MED13L: variants seen among roughly 807,000 people sequenced by gnomAD.
The protein encoded by MED13L is mediator of RNA polymerase II transcription subunit 13-like.
MED13L carries 7 observed loss-of-function variants against 220.9 expected under a neutral mutation model. The observed-to-expected ratio is 0.03, with a 90% CI of 0.02 to 0.06. MED13L has a LOEUF of 0.06. Ranked by LOEUF, MED13L falls within the 10% of genes least tolerant of loss-of-function variation. MED13L has a pLI of 1.00. For missense variants in MED13L, 1,965 were observed against 2,760.5 expected (o/e 0.71, Z 6.46); for synonymous variants, 1,011 against 1,015.2 (o/e 1.00, Z 0.08).
chr12:116,097,226 G>A (rs1304013208), intron 3 of MED13L, among the ~76,000 whole-genome samples: 2 of 151,878 alleles, frequency 1.3e-5, no homozygotes, highest in East Asian at 3.9e-4. Flanking sequence ...GCTCACTGCA[G>A]CCGCCACCCC....
At chr12:116,193,701 A>T (rs1297606416) in intron 2 of MED13L, among the ~76,000 whole-genome samples, 2 of 152,154 alleles carry the variant, frequency 1.3e-5, no homozygotes, top group Non-Finnish European at 1.5e-5. Context: ...TAATAATCAG[A>T]GTCCCCAAAA....
chr12:116,036,960 A>G (rs1016389049), intron 4 of MED13L, among the ~76,000 whole-genome samples: 5 of 152,170 alleles, frequency 3.3e-5, no homozygotes, highest in African/African-American at 1.2e-4. Flanking sequence ...ACTATTTCAT[A>G]TATCTTCTCT....
intron 4 of MED13L, among the ~76,000 whole-genome samples, chr12:116,070,464 T>C (rs1210495164): frequency 6.6e-6 from 1 of 152,074 alleles, no homozygotes; most frequent in Admixed American, 6.6e-5. Context: ...TTCTCTCTTT[T>C]ACAGATGAAC....
chr12:116,047,821 A>G (rs369571561), intron 4 of MED13L, among the ~76,000 whole-genome samples: 1 of 152,196 alleles, frequency 6.6e-6, no homozygotes, highest in Admixed American at 6.5e-5. Context: ...ATTTCATCTG[A>G]GGCATTTAGA....
intron 1 of MED13L, among the ~76,000 whole-genome samples, chr12:116,254,108 G>T (rs1458575990): frequency 6.6e-6 from 1 of 151,762 alleles, no homozygotes; most frequent in African/African-American, 2.4e-5. Flanking sequence ...AACCTTACGG[G>T]GATATCAGAA....
chr12:116,136,297 G>GTT (rs1473398120), intron 2 of MED13L, among the ~76,000 whole-genome samples: 2 of 152,130 alleles, frequency 1.3e-5, no homozygotes, highest in Non-Finnish European at 2.9e-5. Flanking sequence ...GCAAATAAGT[G>GTT]TTTCTCAAAT....
At chr12:116,197,266 T>C (rs1488533355) in intron 2 of MED13L, among the ~76,000 whole-genome samples, 1 of 152,342 alleles carries the variant, frequency 6.6e-6, no homozygotes, top group Non-Finnish European at 1.5e-5. Flanking sequence ...AGTCAGCATC[T>C]ATCTGACAGC....
At position 116,092,726 on chromosome 12, in the gene MED13L, C is replaced by T. The variant is rs1045372040; in HGVS notation, c.479+3943G>A. 9.2e-5 allele frequency among the ~76,000 whole-genome samples: 14 copies of T among 151,882 alleles called. 1 individual carries two copies. Among genetic ancestry groups the T allele is most frequent in the Admixed American group, 3.3e-4 (5 of 15,258 alleles). ...AAGTTAAGAGGAGAGAAGACAAAAA[C>T]GATAGTTAAAGTAATATACTTTCAG... On this transcript the variant is annotated intron_variant, in intron 4 of 30. Transcript: ENST00000281928.
intron 4 of MED13L, among the ~76,000 whole-genome samples, chr12:116,051,267 C>T (rs957484579): frequency 2.6e-5 from 4 of 151,696 alleles, no homozygotes; most frequent in African/African-American, 9.7e-5. Flanking sequence ...CCCACCACTG[C>T]ACTCCAGCCT....
chr12:115,996,604 C>T lies in MED13L; in HGVS notation c.2868G>A (p.Leu956=), dbSNP rs570146432. Reference sequence around the variant, plus strand: ...TCAGAGGTAGCAAACAATGGCTCGGCAACATCTTCAGTGGAGCAAACATGG... The same window carrying T: ...TCAGAGGTAGCAAACAATGGCTCGGTAACATCTTCAGTGGAGCAAACATGG... ...GSSMFAPLKM[L]PSHCLLPLKI... Residue 956 remains leucine, a synonymous_variant, in exon 16 of 31, where the codon TTG becomes TTA. Transcript: ENST00000281928. 9.9e-5 allele frequency: 160 copies of T among 1,614,018 alleles called. 3 individuals are homozygous for T. In the South Asian group the frequency reaches 1.7e-3, roughly 17 times the overall value.
intron 27 of MED13L, among the ~76,000 whole-genome samples, chr12:115,969,711 A>G (rs1399544527): frequency 1.3e-5 from 2 of 151,824 alleles, no homozygotes; most frequent in South Asian, 4.2e-4. Flanking sequence ...TTTCATAGAG[A>G]TGGGGTTTCA....
chr12:116,031,752 A>AAGAAGGAAGGAAGGAAGG (rs1555251772), intron 4 of MED13L, among the ~76,000 whole-genome samples: 16 of 31,496 alleles, frequency 5.1e-4, no homozygotes, highest in East Asian at 1.8e-3. Context: ...AAAGAAAAGA[A>AAGAAGGAAGGAAGGAAGG]AAGAAAAGAA....
chr12:116,250,797 A>C (rs1268030708), intron 1 of MED13L, among the ~76,000 whole-genome samples: 2 of 150,838 alleles, frequency 1.3e-5, no homozygotes, highest in African/African-American at 2.4e-5. Context: ...AAAAAAAAAA[A>C]AATTTGTTTT....
chr12:116,031,810 G>A lies in MED13L; in HGVS notation c.480-9209C>T, dbSNP rs1034578710. Among the ~76,000 whole-genome samples the A allele has an allele frequency of 3.2e-3, 344 of 108,776 alleles. 3 individuals are homozygous for A. The highest frequency in any genetic ancestry group is 7.0e-3 in the African/African-American group (214 of 30,570). 71.4% of individuals were successfully genotyped at this position (108,776 alleles called of 152,430 possible). The stretch of plus-strand genomic sequence containing the variant: ...AAGGAAGGAAGGAAGGAAAGAAAGA[G>A]AGAAAGAAAAAAAGAAAGAAAGTGG... On this transcript the variant is annotated intron_variant, in intron 4 of 30. Coordinates refer to ENST00000281928, the MANE Select transcript of MED13L (RefSeq NM_015335.5).
In MED13L at chr12:116,008,557, C is replaced by T. The variant is rs1302229598; in HGVS notation, c.1856G>A (p.Cys619Tyr). Residue 619 changes from cysteine to tyrosine, a missense_variant, in exon 10 of 31, where the codon TGT becomes TAT. Physicochemically the swap from Cys to Tyr is radical, Grantham distance 194. This residue lies in a region of MED13L where 818 missense variants were observed against 1,041.2 expected (regional missense o/e 0.79). Transcript: ENST00000281928. The part of the protein sequence containing the change: ...MAEVSETALY[C>Y]GIRPSNPESS... ...CTCCGGGTTCGAGGGCCTAATCCCA[C>T]AATATAAGGCTGTCTCGCTGACCTC... The T allele has an allele frequency of 2.5e-6, 4 of 1,613,882 alleles. No homozygotes were observed. The highest frequency in any genetic ancestry group is 1.3e-5 in the African/African-American group (1 of 74,930).
At chr12:116,200,242 T>C (rs1296719766) in intron 2 of MED13L, among the ~76,000 whole-genome samples, 1 of 152,120 alleles carries the variant, frequency 6.6e-6, no homozygotes, top group Non-Finnish European at 1.5e-5. Flanking sequence ...ATTTCCTTCT[T>C]ACCCCAGGAA....
intron 2 of MED13L, among the ~76,000 whole-genome samples, chr12:116,220,312 C>G (rs1009577611): frequency 1.3e-5 from 2 of 152,164 alleles, no homozygotes; most frequent in African/African-American, 2.4e-5. Context: ...TTGCCTCCTA[C>G]TCGAGATTTC....
intron 4 of MED13L, among the ~76,000 whole-genome samples, chr12:116,071,065 G>A (rs1260264918): frequency 7.2e-5 from 11 of 151,840 alleles, no homozygotes; most frequent in African/African-American, 2.2e-4. Flanking sequence ...AATGAATAAC[G>A]TAATAAATGT....
intron 2 of MED13L, among the ~76,000 whole-genome samples, chr12:116,186,130 A>AT (rs1880885825): frequency 6.6e-6 from 1 of 152,202 alleles, no homozygotes; most frequent in Non-Finnish European, 1.5e-5. Context: ...CCTCCTCCTC[A>AT]AAGCCTTCTC....
Sources: allele counts gnomAD v4.1 joint callset (sites outside exome capture counted in the v4.1 genomes callset), GRCh38; gene constraint gnomAD v4.1.1; regional missense constraint gnomAD v4.1.1; transcripts MANE v1.5; gene names NCBI Gene and HGNC (gene_info 2026-07-23, HGNC 2026-07-21).